The following PAMR1 variants were observed in gnomAD, a reference collection of about 807,000 sequenced individuals.
PAMR1 encodes the protein inactive serine protease PAMR1.
PAMR1 carries 88 observed loss-of-function variants against 81.8 expected under a neutral mutation model. The observed-to-expected ratio is 1.08, with a 90% CI of 0.91 to 1.28. PAMR1 has a LOEUF of 1.28. PAMR1 is among the 50% of genes most tolerant of loss of function. The pLI is 0.00. For missense variants in PAMR1, 935 were observed against 919.7 expected, an observed-to-expected ratio of 1.02 and a Z score of -0.21; for synonymous variants, 336 against 345.3, an observed-to-expected ratio of 0.97 and a Z score of 0.30.
chr11:35,472,671 C>A (rs1016176736), intron 4 of PAMR1, among the ~76,000 whole-genome samples: 1 of 152,142 alleles, frequency 6.6e-6, no homozygotes, highest in Admixed American at 6.5e-5. Flanking sequence ...GTAGAGCCAG[C>A]CTTGTGAAGG....
intron 6 of PAMR1, among the ~76,000 whole-genome samples, chr11:35,464,143 T>C (rs181858068): frequency 4.3e-4 from 66 of 152,366 alleles, no homozygotes; most frequent in African/African-American, 1.4e-3. Context: ...AATATTTCTA[T>C]GTATGAACAA....
intron 1 of PAMR1, among the ~76,000 whole-genome samples, chr11:35,506,616 A>C (rs1850962630): frequency 6.6e-6 from 1 of 151,358 alleles, no homozygotes; most frequent in South Asian, 2.1e-4. Flanking sequence ...CAGCACTTTG[A>C]ACATGTTGTC....
At chr11:35,458,441 T>C (rs999382236) in intron 6 of PAMR1, among the ~76,000 whole-genome samples, 1 of 152,236 alleles carries the variant, frequency 6.6e-6, no homozygotes, top group Admixed American at 6.5e-5. Context: ...TGTATTTCTT[T>C]TTTTGCAAAT....
At position 35,441,775 on chromosome 11, in the gene PAMR1, A is replaced by G. The variant is rs1162989634; in HGVS notation, c.821-82T>C. The G allele has an allele frequency of 4.4e-6, 4 of 902,746 alleles. No individual in the cohort carries two copies. The African/African-American group carries it at 6.7e-5, about 15-fold the overall frequency. The allele number at this position is 902,746 out of a possible 1,614,324, so 55.9% of individuals were successfully genotyped here. On this transcript the variant is annotated intron_variant, in intron 6 of 10. Transcript: ENST00000619888. ...GAATAGAATCTTTCATGTTTCATTG[A>G]ACTAAAAATACAATGATATAGGATC...
rs943506933 is a variant in PAMR1 at position 35,477,220 on chromosome 11, C to A, written c.380-2476G>T. On this transcript the variant is annotated intron_variant, in intron 3 of 10. Coordinates refer to ENST00000619888, the MANE Select transcript of PAMR1 (RefSeq NM_001001991.3). The stretch of plus-strand genomic sequence containing the variant: ...CTACTCCCTTTGATAGAGCTGGGAT[C>A]TTTTCTAGCTTGTACACCTAGAATG... Among the ~76,000 whole-genome samples, 13 of 152,150 alleles carry A rather than the reference C, an allele frequency of 8.5e-5. No individual in the cohort carries two copies. In the South Asian group the frequency reaches 1.5e-3, roughly 17 times the overall value.
At chr11:35,498,193 A>G (rs1850762783) in intron 1 of PAMR1, among the ~76,000 whole-genome samples, 1 of 152,224 alleles carries the variant, frequency 6.6e-6, no homozygotes, top group Non-Finnish European at 1.5e-5. Context: ...TTGTGATACC[A>G]GAAAAGGGCA....
intron 3 of PAMR1, among the ~76,000 whole-genome samples, chr11:35,486,879 T>A (rs115704458): frequency 0.012 from 1,805 of 152,200 alleles, 26 homozygotes; most frequent in African/African-American, 0.041. Context: ...TGTTTAGAAA[T>A]ATTTATCCAC....
chr11:35,440,763 T>C (rs1590318683), intron 7 of PAMR1, among the ~76,000 whole-genome samples: 2 of 152,216 alleles, frequency 1.3e-5, no homozygotes, highest in African/African-American at 4.8e-5. Context: ...GATTCCCAGA[T>C]TGCCTCACTT....
In PAMR1 at chr11:35,525,577, C is replaced by G. The variant is rs1435067538; in HGVS notation, c.9G>C (p.Leu3=). ME[L]GCWTQLGLTF... ...TGAGCCCCAACTGCGTCCAGCAACC[C>G]AGCTCCATCCTTGCCGCGGCTGGTG... The change falls in exon 1 of 11, where the codon CTG becomes CTC. Residue 3 remains leucine, a synonymous_variant. Transcript: ENST00000619888. The G allele has an allele frequency of 1.9e-6, 3 of 1,613,876 alleles. No homozygotes were observed. In the Admixed American group the frequency reaches 5.0e-5, roughly 27 times the overall value.
rs1170065112 is a variant in PAMR1, at chr11:35,434,815, A to G, written c.1334-11T>C. ...CAATTTTCCCGCAGACTATGGAGAA[A>G]GTACCAGCTTAGTAAGATAAACTCA... On this transcript the variant is annotated splice_polypyrimidine_tract_variant and intron_variant, in intron 9 of 10. Transcript: ENST00000619888. 6.2e-7 allele frequency: 1 copy of G among 1,610,198 alleles called. No homozygotes were observed. Among genetic ancestry groups the G allele is most frequent in the Non-Finnish European group, 8.5e-7 (1 of 1,176,810 alleles).
At chr11:35,503,893 C>G (rs1359949607) in intron 1 of PAMR1, among the ~76,000 whole-genome samples, 1 of 151,966 alleles carries the variant, frequency 6.6e-6, no homozygotes, top group Non-Finnish European at 1.5e-5. Context: ...GGCCAAGACT[C>G]CCAGTATTAT....
At chr11:35,525,667 G>T, upstream of PAMR1, 1 of 1,201,646 alleles carries the variant, frequency 8.3e-7, no homozygotes, top group Non-Finnish European at 1.2e-6. Flanking sequence ...GGGTTTTACA[G>T]GGACCTCCCC....
At chr11:35,528,178 G>C (rs115095498), upstream of PAMR1, among the ~76,000 whole-genome samples, 292 of 152,272 alleles carry the variant, frequency 1.9e-3, 2 homozygotes, top group African/African-American at 6.8e-3. Context: ...GCTGAAAGCA[G>C]TTAAGAAGAA....
upstream of PAMR1, among the ~76,000 whole-genome samples, chr11:35,529,489 C>T (rs1424205314): frequency 3.3e-5 from 5 of 152,154 alleles, no homozygotes; most frequent in African/African-American, 1.2e-4. Flanking sequence ...TGCTCTGGAC[C>T]ATACTGACTA....
upstream of PAMR1, chr11:35,525,741 G>A: frequency 1.5e-6 from 1 of 649,536 alleles, no homozygotes; most frequent in South Asian, 1.8e-5. Context: ...CATCTGAGGG[G>A]AACCACCTTC....
intron 6 of PAMR1, among the ~76,000 whole-genome samples, chr11:35,444,578 A>C (rs980994992): frequency 6.6e-6 from 1 of 152,196 alleles, no homozygotes; most frequent in Non-Finnish European, 1.5e-5. Context: ...CAGTTCTCCC[A>C]GTACCATGTA....
chr11:35,502,431 C>T (rs1038055728), intron 1 of PAMR1, among the ~76,000 whole-genome samples: 1 of 152,082 alleles, frequency 6.6e-6, no homozygotes, highest in Non-Finnish European at 1.5e-5. Flanking sequence ...CTCTAACAGG[C>T]CCCAGTGTGG....
intron 6 of PAMR1, among the ~76,000 whole-genome samples, chr11:35,464,524 A>C (rs1366689177): frequency 1.3e-5 from 2 of 152,214 alleles, no homozygotes; most frequent in African/African-American, 4.8e-5. Flanking sequence ...AGATGCCAGC[A>C]GCACACCACC....
chr11:35,528,573 A>G (rs773383931), upstream of PAMR1, among the ~76,000 whole-genome samples: 34 of 152,222 alleles, frequency 2.2e-4, no homozygotes, highest in Non-Finnish European at 4.0e-4. Context: ...CAAGTTAATA[A>G]AAAACTTTTG....
Sources: gnomAD v4.1 joint callset for allele counts (sites outside exome capture counted in the v4.1 genomes callset) on GRCh38, gnomAD v4.1.1 for gene constraint, MANE v1.5 for transcripts, NCBI Gene and HGNC (gene_info 2026-07-23, HGNC 2026-07-21) for gene names.